The following ALK variants were observed in gnomAD, a reference collection of about 807,000 sequenced individuals.
ALK encodes ALK tyrosine kinase receptor.
Under a neutral mutation model 163.1 loss-of-function variants are expected in ALK, and 74 were observed. That is an observed-to-expected ratio of 0.45 (90% CI 0.38 to 0.55). The LOEUF is 0.55. Among genes scored for constraint, ALK ranks in the 20% least tolerant of loss-of-function variants. The pLI is 0.00. For missense variants in ALK, 2,063 were observed against 2,105.3 expected (o/e 0.98, Z 0.39); for synonymous variants, 960 against 843.2 (o/e 1.14, Z -2.40).
At chr2:29,574,194 T>C (rs1674458999) in intron 3 of ALK, among the ~76,000 whole-genome samples, 2 of 152,226 alleles carry the variant, frequency 1.3e-5, no homozygotes, top group South Asian at 4.1e-4. Flanking sequence ...TCAGCAGATC[T>C]GTGTTTGGAT....
intron 1 of ALK, among the ~76,000 whole-genome samples, chr2:29,795,806 CAATT>C (rs1270277700): frequency 1.3e-5 from 2 of 151,996 alleles, no homozygotes; most frequent in Admixed American, 6.6e-5. Flanking sequence ...GTATTATGAA[CAATT>C]AATTTCTTCT....
rs200080181 is a variant in ALK, at chr2:29,225,518, C to A, written c.3115G>T (p.Val1039Leu). Residue 1039 changes from valine (V) to leucine (L), a missense_variant, in exon 19 of 29, where the codon GTG (valine) becomes TTG (leucine). By Grantham distance (32) the Val-to-Leu change is conservative (BLOSUM62 1). Around this residue, in one of 5 missense-constraint regions of ALK, gnomAD observed 575 missense variants for 626.6 expected, o/e 0.92. Coordinates refer to ENST00000389048, the MANE Select transcript of ALK (RefSeq NM_004304.5). Reference sequence around the variant, plus strand: ...GCGGCCACGAGGGCAGAGGTCACCACAGAGAGGATCAGCGAGAGTGGCAGG... The same window carrying A: ...GCGGCCACGAGGGCAGAGGTCACCAAAGAGAGGATCAGCGAGAGTGGCAGG... ...PHLPLSLILS[V>L]VTSALVAALV... The A allele has an allele frequency of 3.7e-6, 6 of 1,613,538 alleles. No individual in the cohort carries two copies. The highest frequency in any genetic ancestry group is 4.5e-5 in the East Asian group (2 of 44,878).
intron 4 of ALK, among the ~76,000 whole-genome samples, chr2:29,502,806 A>G (rs1198712297): frequency 6.6e-6 from 1 of 152,124 alleles, no homozygotes; most frequent in African/African-American, 2.4e-5. Flanking sequence ...TGCTGTGTGT[A>G]CTGCTGACAG....
At chr2:29,399,106 C>T (rs1669382038) in intron 4 of ALK, among the ~76,000 whole-genome samples, 1 of 152,160 alleles carries the variant, frequency 6.6e-6, no homozygotes, top group Middle Eastern at 3.2e-3. Flanking sequence ...ACATTAGCGC[C>T]TGCCATCCTT....
chr2:29,844,105 G>T (rs1346892714), intron 1 of ALK, among the ~76,000 whole-genome samples: 1 of 152,216 alleles, frequency 6.6e-6, no homozygotes, highest in Non-Finnish European at 1.5e-5. Flanking sequence ...GGAAAAGGAG[G>T]TGAAGGAAAT....
intron 8 of ALK, among the ~76,000 whole-genome samples, chr2:29,305,943 C>G (rs1286829900): frequency 2.6e-5 from 4 of 152,182 alleles, no homozygotes; most frequent in Admixed American, 6.5e-5. Context: ...AGTGCCACTG[C>G]TGATCTGACA....
intron 2 of ALK, among the ~76,000 whole-genome samples, chr2:29,716,085 T>A (rs1055631725): frequency 6.6e-6 from 1 of 152,184 alleles, no homozygotes; most frequent in African/African-American, 2.4e-5. Context: ...GAGTGGAACA[T>A]CTCTGTTAGG....
intron 5 of ALK, among the ~76,000 whole-genome samples, chr2:29,369,240 G>A (rs1668583053): frequency 1.3e-5 from 2 of 152,074 alleles, no homozygotes; most frequent in Non-Finnish European, 2.9e-5. Context: ...TTGCCCCTGA[G>A]GTCCTCTTTA....
rs370930960 is a variant in ALK at position 29,774,580 on chromosome 2, A to C, written c.668-56883T>G. On this transcript the variant is annotated intron_variant, in intron 1 of 28. Transcript: ENST00000389048. ...TTCCCAAAGGTTAATGCCTTGACCA[A>C]GGTCCTAGGGCAGAATCCAACCTGG... 6.6e-5 allele frequency among the ~76,000 whole-genome samples: 10 copies of C among 152,348 alleles called. No individual in the cohort carries two copies. The East Asian group carries it at 1.9e-3, about 29-fold the overall frequency.
intron 1 of ALK, among the ~76,000 whole-genome samples, chr2:29,894,140 G>GA (rs1362603028): frequency 8.5e-5 from 13 of 152,296 alleles, no homozygotes; most frequent in Admixed American, 7.2e-4. Flanking sequence ...AAATGATCAA[G>GA]AAACCCAGAG....
chr2:29,391,281 C>A (rs1669162516), intron 4 of ALK, among the ~76,000 whole-genome samples: 1 of 133,974 alleles, frequency 7.5e-6, no homozygotes, highest in Admixed American at 8.4e-5. Context: ...TGGTCCTGAG[C>A]TCCTTTTCCT....
chr2:29,321,295 C>T (rs903695207), intron 6 of ALK, among the ~76,000 whole-genome samples: 1 of 152,146 alleles, frequency 6.6e-6, no homozygotes, highest in Admixed American at 6.5e-5. Flanking sequence ...TGAATGTGAC[C>T]CCAGGAGAAG....
chr2:29,339,017 C>T (rs112517513), intron 5 of ALK, among the ~76,000 whole-genome samples: 7,563 of 152,054 alleles, frequency 0.05, 250 homozygotes, highest in Middle Eastern at 0.075. Flanking sequence ...CTGAGGCGGG[C>T]GGATCACCTG....
At position 29,501,669 on chromosome 2, in the gene ALK, AT is replaced by A. The variant is rs559951381; in HGVS notation, c.1154+30245del. Among the ~76,000 whole-genome samples the A allele has an allele frequency of 1.2e-4, 18 of 151,548 alleles. No individual in the cohort carries two copies. The East Asian group carries it at 1.7e-3, about 15-fold the overall frequency. The stretch of plus-strand genomic sequence containing the variant: ...ATTTCTTGCTAGCCCTTTTGAAAAC[AT>A]TTTTTTTTATTGTGGTAAAATATCC... On this transcript the variant is annotated intron_variant, in intron 4 of 28. Coordinates refer to ENST00000389048, the MANE Select transcript of ALK (RefSeq NM_004304.5).
chr2:29,559,707 A>AATGAGGGTGGAGCTTCTGTGCCTGTGTTC, intron 3 of ALK, among the ~76,000 whole-genome samples: 1 of 151,236 alleles, frequency 6.6e-6, no homozygotes, highest in Non-Finnish European at 1.5e-5. Context: ...AATGAAGAGT[A>AATGAGGGTGGAGCTTCTGTGCCTGTGTTC]ATGAGGGTGG....
chr2:29,622,816 A>C (rs1327032105), intron 3 of ALK, among the ~76,000 whole-genome samples: 3 of 152,212 alleles, frequency 2.0e-5, no homozygotes, highest in African/African-American at 7.2e-5. Context: ...ATTCAATACT[A>C]AACTCAAGTC....
intron 12 of ALK, among the ~76,000 whole-genome samples, chr2:29,244,375 T>G (rs529329147): frequency 6.6e-6 from 1 of 152,300 alleles, no homozygotes; most frequent in South Asian, 2.1e-4. Context: ...CGGAGCTTGG[T>G]CAGCGGGAGA....
At chr2:29,911,648 C>G (rs1667705454) in intron 1 of ALK, among the ~76,000 whole-genome samples, 1 of 152,200 alleles carries the variant, frequency 6.6e-6, no homozygotes, top group Non-Finnish European at 1.5e-5. Context: ...TGTGGACAGA[C>G]TCAAAGCAGA....
chr2:29,494,843 CGT>C (rs35306598), intron 4 of ALK, among the ~76,000 whole-genome samples: 47,659 of 147,084 alleles, frequency 0.32, 7,879 homozygotes, highest in Non-Finnish European at 0.39. Flanking sequence ...TTTAGAGACT[CGT>C]GTGTGTGTGT....
Sources: gnomAD v4.1 joint callset for allele counts (sites outside exome capture counted in the v4.1 genomes callset) on GRCh38, gnomAD v4.1.1 for gene constraint, gnomAD v4.1.1 regional missense constraint, MANE v1.5 for transcripts, NCBI Gene and HGNC (gene_info 2026-07-23, HGNC 2026-07-21) for gene names.